The following FAM13B variants were observed in gnomAD, a reference collection of about 807,000 sequenced individuals.
FAM13B encodes the protein family with sequence similarity 13 member B.
A neutral mutation model predicts 117.3 loss-of-function variants in FAM13B; 60 were observed. The ratio of observed to expected loss-of-function variants is 0.51; its 90% confidence interval spans 0.42 to 0.63. The LOEUF (loss-of-function observed/expected upper bound fraction) is 0.63. FAM13B is among the 30% of genes least tolerant of loss of function. FAM13B has a pLI of 0.00. For missense variants in FAM13B, 972 were observed against 1,091.9 expected (o/e 0.89, Z 1.55); for synonymous variants, 332 against 356.1 (o/e 0.93, Z 0.76).
intron 23 of FAM13B, 141 bp from the exon 24 acceptor site, chr5:137,940,489 A>AGTTCAATAACCT: frequency 1.6e-6 from 1 of 615,564 alleles, no homozygotes; most frequent in Non-Finnish European, 2.8e-6. Context: ...AAAAAAGGTT[A>AGTTCAATAACCT]TTGAACTAAT....
intron 7 of FAM13B, among the ~76,000 whole-genome samples, chr5:137,993,916 G>A (rs142393523): frequency 9.5e-4 from 145 of 152,234 alleles, no homozygotes; most frequent in African/African-American, 3.2e-3. Context: ...TGCCAATGAT[G>A]ATTCTTATCC....
chr5:137,956,485 T>C lies in FAM13B; in HGVS notation c.1499A>G (p.Asp500Gly), dbSNP rs1255384158. 2 of 1,598,090 alleles carry C rather than the reference T, an allele frequency of 1.3e-6. No individual in the cohort carries two copies. The highest frequency in any genetic ancestry group is 2.7e-5 in the African/African-American group (2 of 74,620). ...TGGTGAACCATACTTACCCTCCCCATCTCTCTGCAGATGCATTGTTTTGAA... is the reference window on the plus strand; with the variant it reads ...TGGTGAACCATACTTACCCTCCCCACCTCTCTGCAGATGCATTGTTTTGAA... Reference protein sequence around the residue: ...IDFKTMHLQRDGEEPFPAFKS... With the variant: ...IDFKTMHLQRGGEEPFPAFKS... Residue 500 changes from aspartate to glycine, a missense_variant, in exon 14 of 24, where the codon GAT becomes GGT. Asp to Gly is a moderately conservative substitution (Grantham distance 94). Coordinates refer to ENST00000689681, the MANE Select transcript of FAM13B (RefSeq NM_001385994.1).
chr5:138,028,412 C>T (rs1009373737), intron 1 of FAM13B, among the ~76,000 whole-genome samples: 4 of 152,010 alleles, frequency 2.6e-5, no homozygotes, highest in South Asian at 4.1e-4. Context: ...GGGTATTATG[C>T]GTAATTCTAC....
At chr5:137,988,593 A>C (rs1777821730) in intron 7 of FAM13B, among the ~76,000 whole-genome samples, 1 of 152,232 alleles carries the variant, frequency 6.6e-6, no homozygotes, top group Non-Finnish European at 1.5e-5. Flanking sequence ...CATTACATGC[A>C]TTTATCTCTC....
intron 18 of FAM13B, 115 bp downstream of exon 18, chr5:137,948,840 G>T: frequency 1.4e-6 from 1 of 716,426 alleles, no homozygotes; most frequent in Non-Finnish European, 2.4e-6. Flanking sequence ...CTGCAAAGAT[G>T]GGGAGCAGAT....
rs763729919 is a variant in FAM13B, at chr5:138,027,331, A to G, written c.-203+5451T>C. On this transcript the variant is annotated intron_variant, in intron 1 of 23. Coordinates refer to ENST00000689681, the MANE Select transcript of FAM13B (RefSeq NM_001385994.1). ...TACATCCCTATTATCACTGGTATAC[A>G]AAGTCAGAAAAGCCAGCAGGAAGCT... 1.1e-4 allele frequency among the ~76,000 whole-genome samples: 16 copies of G among 152,338 alleles called. No homozygotes were observed. The South Asian group carries it at 2.7e-3, about 26-fold the overall frequency.
intron 14 of FAM13B, among the ~76,000 whole-genome samples, chr5:137,955,990 G>A (rs532587913): frequency 1.1e-3 from 171 of 152,198 alleles, no homozygotes; most frequent in African/African-American, 3.6e-3. Flanking sequence ...TAGCAATAGC[G>A]AAAATGAATG....
intron 4 of FAM13B, 98 bp from the exon 5 acceptor site, chr5:138,012,043 A>T (rs895033137): frequency 1.3e-6 from 1 of 777,948 alleles, no homozygotes; most frequent in Non-Finnish European, 2.0e-6. Context: ...CACCTTTTTA[A>T]TACAACAATT....
rs752750221 is a variant in FAM13B, at chr5:138,006,998, C to T, written c.840G>A (p.Thr280=). 17 of 1,606,582 alleles carry T rather than the reference C, an allele frequency of 1.1e-5. No homozygotes were observed. Among genetic ancestry groups the T allele is most frequent in the East Asian group, 4.5e-5 (2 of 44,672 alleles). ...TENILESNSV[T]ATSTHISPIS... ...TTCAACTGAGCTATTACCTTGTTGC[C>T]GTAACACTATTTGATTCCAGGATGT... is the stretch of plus-strand genomic sequence containing the variant. The change falls in exon 7 of 24, where the codon ACG becomes ACA. Residue 280 remains threonine, a synonymous_variant. Transcript: ENST00000689681.
chr5:137,938,895 G>A lies in FAM13B; in HGVS notation c.*1330C>T, dbSNP rs1381992971. ...TGCAAAACATGGGTATAGTCAAAGT[G>A]AGACAGTCATCAATCCAAAAAAGCA... On this transcript the variant is annotated 3_prime_UTR_variant, in exon 24 of 24. Coordinates refer to ENST00000689681, the MANE Select transcript of FAM13B (RefSeq NM_001385994.1). 1 of 152,074 alleles carries A rather than the reference G, an allele frequency of 6.6e-6. No individual in the cohort carries two copies. The highest frequency in any genetic ancestry group is 1.9e-4 in the East Asian group (1 of 5,184). The allele number at this position is 152,074 out of a possible 1,614,324, so 9.4% of individuals were successfully genotyped here.
chr5:138,032,968 G>A lies in FAM13B; in HGVS notation c.-389C>T. 1 of 986,414 alleles carries A rather than the reference G, an allele frequency of 1.0e-6. No individual in the cohort carries two copies. Among genetic ancestry groups the A allele is most frequent in the Non-Finnish European group, 1.2e-6 (1 of 830,636 alleles). 61.1% of individuals were successfully genotyped at this position (986,414 alleles called of 1,614,324 possible). A position where few individuals can be genotyped will look rare whatever the true frequency, so the allele number is the denominator to read the frequency against. ...GGCCAGCCCGGTAAGCGACCCCCCGGATACCCCCGGCGGTGGTGGCGACGC... is the reference window on the plus strand; with the variant it reads ...GGCCAGCCCGGTAAGCGACCCCCCGAATACCCCCGGCGGTGGTGGCGACGC... On this transcript the variant is annotated 5_prime_UTR_variant, in exon 1 of 24. Coordinates refer to ENST00000689681, the MANE Select transcript of FAM13B (RefSeq NM_001385994.1).
At chr5:137,951,459 A>G (rs1765012130) in intron 17 of FAM13B, among the ~76,000 whole-genome samples, 1 of 151,974 alleles carries the variant, frequency 6.6e-6, no homozygotes, top group African/African-American at 2.4e-5. Context: ...GAAGTTTGAG[A>G]CCAATCCAGG....
At chr5:137,992,194 G>C (rs1778764217) in intron 7 of FAM13B, among the ~76,000 whole-genome samples, 1 of 151,576 alleles carries the variant, frequency 6.6e-6, no homozygotes, top group Non-Finnish European at 1.5e-5. Context: ...TTACAGGTGT[G>C]AGCCATCGTG....
chr5:138,042,896 A>C (rs888865919), intron 1 of FAM13B, among the ~76,000 whole-genome samples: 1 of 152,204 alleles, frequency 6.6e-6, no homozygotes, highest in Non-Finnish European at 1.5e-5. Flanking sequence ...GTTCAAGACC[A>C]GCCTGGCTAA....
At chr5:137,955,221 G>A (rs1766162295) in intron 14 of FAM13B, among the ~76,000 whole-genome samples, 1 of 152,148 alleles carries the variant, frequency 6.6e-6, no homozygotes, top group Non-Finnish European at 1.5e-5. Flanking sequence ...TGTTCCCCAT[G>A]TTACATGGAA....
At chr5:138,006,914 G>T in intron 7 of FAM13B, 76 bp downstream of exon 7, 1 of 1,360,064 alleles carries the variant, frequency 7.4e-7, no homozygotes, top group Non-Finnish European at 9.8e-7. Flanking sequence ...TACAGTTTGT[G>T]TTTCTGAATG....
intron 10 of FAM13B, among the ~76,000 whole-genome samples, chr5:137,966,320 C>T (rs974562366): frequency 4.0e-5 from 6 of 151,318 alleles, no homozygotes; most frequent in Non-Finnish European, 5.9e-5. Flanking sequence ...GCCTGTAATC[C>T]CAGCTACATG....
At chr5:137,948,314 C>T (rs866461144) in intron 18 of FAM13B, among the ~76,000 whole-genome samples, 2 of 152,026 alleles carry the variant, frequency 1.3e-5, no homozygotes, top group African/African-American at 2.4e-5. Flanking sequence ...AACCAGCCAA[C>T]GTGGGGCATA....
At chr5:137,991,866 A>G (rs927460791) in intron 7 of FAM13B, among the ~76,000 whole-genome samples, 1 of 152,230 alleles carries the variant, frequency 6.6e-6, no homozygotes, top group Admixed American at 6.5e-5. Context: ...AAGATTTCTT[A>G]AACATGACAC....
Sources: gnomAD v4.1 joint callset for allele counts (sites outside exome capture counted in the v4.1 genomes callset) on GRCh38, gnomAD v4.1.1 for gene constraint, MANE v1.5 for transcripts, NCBI Gene and HGNC (gene_info 2026-07-23, HGNC 2026-07-21) for gene names.